PARP8: variants seen among roughly 807,000 people sequenced by gnomAD.
The protein encoded by PARP8 is poly(ADP-ribose) polymerase family member 8.
In PARP8, 51 loss-of-function variants were observed where a neutral mutation model predicts 124.1. The observed-to-expected ratio is 0.41, with a 90% CI of 0.33 to 0.52. The LOEUF is 0.52. Among genes scored for constraint, PARP8 ranks in the 20% least tolerant of loss-of-function variants. The pLI is 0.21. For missense variants in PARP8, 860 were observed against 1,018.9 expected (o/e 0.84, Z 2.12); for synonymous variants, 391 against 361.5 (o/e 1.08, Z -0.93).
rs1376644289 is a variant in PARP8 at position 50,778,213 on chromosome 5, T to C, written c.579+84T>C. 3 of 1,041,290 alleles carry C rather than the reference T, an allele frequency of 2.9e-6. No homozygotes were observed. The African/African-American group carries it at 4.9e-5, about 17-fold the overall frequency. The allele number at this position is 1,041,290 out of a possible 1,614,324, so 64.5% of individuals were successfully genotyped here. A position where few individuals can be genotyped will look rare whatever the true frequency, so the allele number is the denominator to read the frequency against. On this transcript the variant is annotated intron_variant, in intron 8 of 25. Coordinates refer to ENST00000281631, the MANE Select transcript of PARP8 (RefSeq NM_024615.4). ...TTGGGGGAAATTTAATTTTCAGTTT[T>C]GTCTTATAATACTATTAGTTACATA...
At chr5:50,750,334 A>T in intron 3 of PARP8, 146 bp downstream of exon 3, 1 of 655,390 alleles carries the variant, frequency 1.5e-6, no homozygotes, top group South Asian at 1.9e-5. Context: ...AATTCTGCTT[A>T]CTGCCTGCAA....
intron 18 of PARP8, among the ~76,000 whole-genome samples, chr5:50,826,383 G>A (rs1188799805): frequency 2.0e-5 from 3 of 151,948 alleles, no homozygotes; most frequent in Admixed American, 1.3e-4. Flanking sequence ...ATGTAAGAGA[G>A]GAATAAAAGA....
At chr5:50,826,255 G>T (rs556327232) in intron 18 of PARP8, among the ~76,000 whole-genome samples, 1 of 151,864 alleles carries the variant, frequency 6.6e-6, no homozygotes, top group South Asian at 2.1e-4. Context: ...TTTTTCAACT[G>T]CAGAGTCTAC....
At position 50,667,053 on chromosome 5, in the gene PARP8, TG is replaced by T. The variant is rs753781111; in HGVS notation, c.-39del. The T allele has an allele frequency of 6.3e-7, 1 of 1,594,520 alleles. No individual in the cohort carries two copies. The highest frequency in any genetic ancestry group is 1.7e-5 in the Admixed American group (1 of 59,876). On this transcript the variant is annotated 5_prime_UTR_variant, in exon 1 of 26. Transcript: ENST00000281631. ...CTGGAAGCGTGCGAGGGGGGTGGGG[TG>T]GGGTGGAAATAGCGGCTGCTTCTTT...
intron 3 of PARP8, among the ~76,000 whole-genome samples, chr5:50,754,150 T>TATATACACACACACACAC (rs1312947286): frequency 2.7e-5 from 1 of 37,188 alleles, no homozygotes; most frequent in African/African-American, 1.2e-4. Context: ...TATATATATA[T>TATATACACACACACACAC]ACACACACAC....
chr5:50,713,262 A>G lies in PARP8; in HGVS notation c.147-36889A>G, dbSNP rs573807370. On this transcript the variant is annotated intron_variant, in intron 2 of 25. Transcript: ENST00000281631. ...TTATTATTATTATTATTATTTTGAG[A>G]CAGGGTCTCACTCTATTGCCCAGGC... is the stretch of plus-strand genomic sequence containing the variant. Among the ~76,000 whole-genome samples the G allele has an allele frequency of 2.0e-5, 3 of 151,978 alleles. No homozygotes were observed. In the East Asian group the frequency reaches 5.8e-4, roughly 29 times the overall value.
intron 14 of PARP8, among the ~76,000 whole-genome samples, chr5:50,803,249 T>A (rs947882275): frequency 6.6e-5 from 10 of 152,212 alleles, no homozygotes; most frequent in Non-Finnish European, 1.5e-4. Context: ...TCTCGCTGAT[T>A]TCGAGATTTC....
intron 2 of PARP8, among the ~76,000 whole-genome samples, chr5:50,747,382 C>G (rs1758704698): frequency 6.6e-6 from 1 of 151,868 alleles, no homozygotes; most frequent in Admixed American, 6.6e-5. Context: ...AGTATATGAT[C>G]TATCTTGATA....
chr5:50,698,105 C>T (rs1753221654), intron 2 of PARP8, among the ~76,000 whole-genome samples: 1 of 152,178 alleles, frequency 6.6e-6, no homozygotes. Flanking sequence ...ATATGACCTT[C>T]ATGAAGACTT....
At chr5:50,794,770 G>C (rs934004422) in intron 11 of PARP8, 83 bp from the exon 12 acceptor site, 1 of 1,234,136 alleles carries the variant, frequency 8.1e-7, no homozygotes, top group African/African-American at 1.5e-5. Flanking sequence ...TATTAGCACA[G>C]TCGAGTTTGA....
At chr5:50,693,633 T>A (rs371359154) in intron 2 of PARP8, among the ~76,000 whole-genome samples, 1 of 151,512 alleles carries the variant, frequency 6.6e-6, no homozygotes, top group African/African-American at 2.4e-5. Flanking sequence ...TATTAATCTA[T>A]TACATACATT....
intron 2 of PARP8, among the ~76,000 whole-genome samples, chr5:50,712,854 A>G (rs1045847946): frequency 4.0e-5 from 6 of 150,096 alleles, no homozygotes; most frequent in African/African-American, 1.5e-4. Flanking sequence ...TTTTTTTTTT[A>G]AGTTTTGTTG....
chr5:50,763,309 G>T, intron 7 of PARP8, 67 bp downstream of exon 7: 1 of 1,274,612 alleles, frequency 7.8e-7, no homozygotes, highest in Non-Finnish European at 1.1e-6. Flanking sequence ...TACTTTTGGA[G>T]TAATTTAAAG....
In PARP8 at chr5:50,754,116, C is replaced by CATATATATAT. The variant is rs373375463; in HGVS notation, c.184+3954_184+3963dup. On this transcript the variant is annotated intron_variant, in intron 3 of 25. Coordinates refer to ENST00000281631, the MANE Select transcript of PARP8 (RefSeq NM_024615.4). ...GAAGGAATTTGAGTTTGAAAACATT[C>CATATATATAT]ATATATATATATATATATATATATA... Among the ~76,000 whole-genome samples the CATATATATAT allele has an allele frequency of 5.5e-3, 350 of 64,140 alleles. 2 individuals are homozygous for CATATATATAT. Among genetic ancestry groups the CATATATATAT allele is most frequent in the Non-Finnish European group, 6.5e-3 (255 of 39,512 alleles). 42.1% of individuals were successfully genotyped at this position (64,140 alleles called of 152,430 possible).
chr5:50,845,890 C>G lies in PARP8; in HGVS notation c.*3822C>G, dbSNP rs1033715477. On this transcript the variant is annotated 3_prime_UTR_variant, in exon 26 of 26. Coordinates refer to ENST00000281631, the MANE Select transcript of PARP8 (RefSeq NM_024615.4). ...CATTTAATGCCTGCTAAATTTTTGT[C>G]CGATTATATATAGATTTGATGTATA... is the stretch of plus-strand genomic sequence containing the variant. The G allele has an allele frequency of 1.3e-5, 2 of 151,662 alleles. No homozygotes were observed. Among genetic ancestry groups the G allele is most frequent in the African/African-American group, 4.8e-5 (2 of 41,358 alleles). 9.4% of individuals were successfully genotyped at this position (151,662 alleles called of 1,614,324 possible). A position where few individuals can be genotyped will look rare whatever the true frequency, so the allele number is the denominator to read the frequency against.
chr5:50,823,671 C>A (rs2149705573), intron 17 of PARP8, among the ~76,000 whole-genome samples: 1 of 152,140 alleles, frequency 6.6e-6, no homozygotes, highest in African/African-American at 2.4e-5. Context: ...TATACTATAC[C>A]CTAGACCTTG....
At chr5:50,780,994 T>G (rs980356838) in intron 9 of PARP8, among the ~76,000 whole-genome samples, 30 of 152,154 alleles carry the variant, frequency 2.0e-4, no homozygotes, top group African/African-American at 7.2e-4. Flanking sequence ...TATACCTGAG[T>G]CTTAATTCAC....
At chr5:50,745,894 C>A (rs1052956512) in intron 2 of PARP8, among the ~76,000 whole-genome samples, 7 of 152,114 alleles carry the variant, frequency 4.6e-5, no homozygotes, top group Non-Finnish European at 8.8e-5. Context: ...CATTTCCCCC[C>A]AGCTTGTTTT....
chr5:50,798,300 T>C (rs1742782970), intron 14 of PARP8, among the ~76,000 whole-genome samples: 1 of 152,312 alleles, frequency 6.6e-6, no homozygotes, highest in South Asian at 2.1e-4. Flanking sequence ...AATTTTACAT[T>C]TCCACTGGCA....
Sources: allele counts gnomAD v4.1 joint callset (sites outside exome capture counted in the v4.1 genomes callset), GRCh38; gene constraint gnomAD v4.1.1; transcripts MANE v1.5; gene names NCBI Gene and HGNC (gene_info 2026-07-23, HGNC 2026-07-21).